The following LINGO2 variants were observed in gnomAD, a reference collection of about 807,000 sequenced individuals.
The protein encoded by LINGO2 is leucine-rich repeat and immunoglobulin-like domain-containing nogo receptor-interacting protein 2.
In LINGO2, 14 loss-of-function variants were observed where a neutral mutation model predicts 30.6. That is an observed-to-expected ratio of 0.46 (90% CI 0.30 to 0.72). LINGO2 has a LOEUF of 0.72. LINGO2 is among the 30% of genes least tolerant of loss of function. The pLI, the probability that LINGO2 is intolerant of heterozygous loss-of-function variation, is 0.07. For missense variants in LINGO2, 729 were observed against 751.7 expected (o/e 0.97, Z 0.35); for synonymous variants, 317 against 288.5 (o/e 1.10, Z -1.00).
chr9:28,624,238 C>G (rs1451737981), intron 1 of LINGO2, among the ~76,000 whole-genome samples: 1 of 151,908 alleles, frequency 6.6e-6, no homozygotes, highest in African/African-American at 2.4e-5. Context: ...AATGGGTATC[C>G]TTGTTGTATT....
intron 4 of LINGO2, among the ~76,000 whole-genome samples, chr9:28,171,289 C>A (rs1828574483): frequency 6.6e-6 from 1 of 152,152 alleles, no homozygotes; most frequent in Admixed American, 6.5e-5. Context: ...AACAAACTTG[C>A]AGAGGGAAGC....
chr9:28,771,427 T>G, the LINGO2 span, among the ~76,000 whole-genome samples: 4 of 151,442 alleles, frequency 2.6e-5, no homozygotes, highest in African/African-American at 4.9e-5. Context: ...CCTGTCTCCT[T>G]TCTCCTTTCT....
At chr9:28,266,355 G>A (rs1822750703) in intron 4 of LINGO2, among the ~76,000 whole-genome samples, 1 of 151,978 alleles carries the variant, frequency 6.6e-6, no homozygotes, top group African/African-American at 2.4e-5. Context: ...ATTTTCAAGT[G>A]AGCTTTTCTG....
At chr9:28,886,505 T>G in the LINGO2 span, among the ~76,000 whole-genome samples, 1 of 152,096 alleles carries the variant, frequency 6.6e-6, no homozygotes, top group Non-Finnish European at 1.5e-5. Flanking sequence ...AAATGAAACT[T>G]TAATTAGAGT....
intron 4 of LINGO2, among the ~76,000 whole-genome samples, chr9:28,087,961 A>C (rs916977769): frequency 6.6e-6 from 1 of 152,000 alleles, no homozygotes; most frequent in African/African-American, 2.4e-5. Context: ...TCAGTACAGA[A>C]TAATAGGCAT....
chr9:28,270,269 G>T (rs2134084923), intron 4 of LINGO2, among the ~76,000 whole-genome samples: 1 of 152,178 alleles, frequency 6.6e-6, no homozygotes, highest in South Asian at 2.1e-4. Context: ...AAATATGGGA[G>T]CTGAGCCTAT....
intron 2 of LINGO2, among the ~76,000 whole-genome samples, chr9:28,406,343 G>C (rs1822516125): frequency 6.6e-6 from 1 of 151,724 alleles, no homozygotes; most frequent in Middle Eastern, 3.4e-3. Flanking sequence ...GGCTGAGGCA[G>C]AATTGCTTGA....
At chr9:28,118,103 A>C (rs1826987138) in intron 4 of LINGO2, among the ~76,000 whole-genome samples, 1 of 152,062 alleles carries the variant, frequency 6.6e-6, no homozygotes, top group Non-Finnish European at 1.5e-5. Flanking sequence ...GGGGAGGGAG[A>C]GTATTAGAAA....
At chr9:28,698,933 T>C in the LINGO2 span, among the ~76,000 whole-genome samples, 3 of 151,934 alleles carry the variant, frequency 2.0e-5, no homozygotes, top group Non-Finnish European at 4.4e-5. Context: ...TCCTAGCTAC[T>C]TGGGAGGCTA....
At chr9:28,877,324 C>A in the LINGO2 span, among the ~76,000 whole-genome samples, 1 of 151,880 alleles carries the variant, frequency 6.6e-6, no homozygotes, top group Non-Finnish European at 1.5e-5. Context: ...GAAGTCCTTG[C>A]CCATGCCTAT....
chr9:29,076,806 T>G, the LINGO2 span, among the ~76,000 whole-genome samples: 1 of 151,860 alleles, frequency 6.6e-6, no homozygotes, highest in Admixed American at 6.6e-5. Flanking sequence ...TGCCTCAGTT[T>G]CCTTATAATT....
chr9:28,912,553 T>TA, the LINGO2 span, among the ~76,000 whole-genome samples: 1 of 152,118 alleles, frequency 6.6e-6, no homozygotes, highest in African/African-American at 2.4e-5. Context: ...GAGAAACAGA[T>TA]AAAGTGGAAA....
intron 5 of LINGO2, among the ~76,000 whole-genome samples, chr9:27,975,009 C>T (rs532486340): frequency 1.3e-5 from 2 of 152,134 alleles, no homozygotes; most frequent in East Asian, 3.9e-4. Context: ...CATTCTGTTG[C>T]CAGAGGAGTT....
chr9:28,954,228 A>G, the LINGO2 span, among the ~76,000 whole-genome samples: 1 of 152,168 alleles, frequency 6.6e-6, no homozygotes, highest in Non-Finnish European at 1.5e-5. Flanking sequence ...CTTTAGTTTG[A>G]CTATTAGTTA....
At chr9:28,528,870 G>A (rs760000814) in intron 1 of LINGO2, among the ~76,000 whole-genome samples, 12 of 151,650 alleles carry the variant, frequency 7.9e-5, no homozygotes, top group Non-Finnish European at 1.2e-4. Context: ...TTTTAGTTTT[G>A]TCATAAAAAA....
At chr9:27,950,016 T>A in exon 6 of LINGO2, 1 of 1,614,076 alleles carries the variant, frequency 6.2e-7, no homozygotes. Context: ...TTTAAAGGCA[T>A]ACACAGGCAT....
the LINGO2 span, among the ~76,000 whole-genome samples, chr9:28,871,344 T>C: frequency 2.6e-5 from 4 of 151,432 alleles, no homozygotes; most frequent in Non-Finnish European, 3.0e-5. Context: ...ATTGAAAATA[T>C]ATATGCATAT....
At chr9:28,771,452 GGTGTGTGTGTGTGTGT>G in the LINGO2 span, among the ~76,000 whole-genome samples, 2,407 of 120,328 alleles carry the variant, frequency 0.02, 84 homozygotes, top group African/African-American at 0.06. Context: ...TTTCCTATTT[GGTGTGTGTGTGTGTGT>G]GTGTGTGTGT....
At chr9:28,828,681 C>A in the LINGO2 span, among the ~76,000 whole-genome samples, 1 of 151,780 alleles carries the variant, frequency 6.6e-6, no homozygotes. Context: ...TAAGGTTATA[C>A]AACTCTTAGC....
Sources: allele counts gnomAD v4.1 joint callset (sites outside exome capture counted in the v4.1 genomes callset), GRCh38; gene constraint gnomAD v4.1.1; transcripts MANE v1.5; gene names NCBI Gene and HGNC (gene_info 2026-07-23, HGNC 2026-07-21).